Variants in TANC2 observed in about 807,000 individuals in gnomAD.
The protein encoded by TANC2 is tetratricopeptide repeat, ankyrin repeat and coiled-coil containing 2.
TANC2 carries 26 observed loss-of-function variants against 210.5 expected under a neutral mutation model. That is an observed-to-expected ratio of 0.12 (90% CI 0.09 to 0.17). The LOEUF (loss-of-function observed/expected upper bound fraction) is 0.17. TANC2 is among the 10% of genes least tolerant of loss of function. The probability of loss-of-function intolerance (pLI) is 1.00; values close to 1 mark genes in which losing one functional copy is unlikely to be tolerated. For synonymous variants in TANC2, 931 were observed against 967.1 expected (o/e 0.96, Z 0.69); for missense variants, 2,129 against 2,608.9 (o/e 0.82, Z 4.01).
chr17:63,251,389 G>C (rs2043049536), intron 8 of TANC2, among the ~76,000 whole-genome samples: 1 of 152,132 alleles, frequency 6.6e-6, no homozygotes, highest in South Asian at 2.1e-4. Flanking sequence ...CCAAATGACT[G>C]TGAGGAAGAG....
At position 63,276,018 on chromosome 17, in the gene TANC2, A is replaced by G. The variant is rs892510996; in HGVS notation, c.1159+8145A>G. On this transcript the variant is annotated intron_variant, in intron 9 of 27. Coordinates refer to ENST00000689528, the Ensembl canonical transcript of TANC2. The stretch of plus-strand genomic sequence containing the variant: ...ATTTTCCTCAAAAGTGACTAGGTCT[A>G]TTAAAGTAACCATAATGCCAATAAA... 2.6e-5 allele frequency among the ~76,000 whole-genome samples: 4 copies of G among 152,304 alleles called. No individual in the cohort carries two copies. In the South Asian group the frequency reaches 8.3e-4, roughly 32 times the overall value.
intron 14 of TANC2, among the ~76,000 whole-genome samples, chr17:63,373,070 A>T (rs968395111): frequency 4.0e-5 from 6 of 151,498 alleles, no homozygotes; most frequent in African/African-American, 1.5e-4. Context: ...AATTTTTTAA[A>T]TTTTTTGTGG....
chr17:63,133,207 T>C (rs2038978927), intron 4 of TANC2, among the ~76,000 whole-genome samples: 1 of 150,784 alleles, frequency 6.6e-6, no homozygotes, highest in East Asian at 2.0e-4. Context: ...CTCATGATCT[T>C]GTGATCCACC....
intron 4 of TANC2, among the ~76,000 whole-genome samples, chr17:63,113,684 T>C (rs2038140999): frequency 6.6e-6 from 1 of 152,014 alleles, no homozygotes; most frequent in African/African-American, 2.4e-5. Flanking sequence ...ATTTTTTCAT[T>C]ATTTTGTAGA....
intron 11 of TANC2, among the ~76,000 whole-genome samples, chr17:63,331,275 C>A (rs181718409): frequency 1.3e-5 from 2 of 152,296 alleles, no homozygotes; most frequent in East Asian, 3.9e-4. Flanking sequence ...GTGATCCATA[C>A]CTTCATTCAT....
intron 5 of TANC2, among the ~76,000 whole-genome samples, chr17:63,181,350 G>A (rs1234056295): frequency 1.3e-5 from 2 of 152,162 alleles, no homozygotes; most frequent in Admixed American, 6.5e-5. Context: ...CCTAGTGGAA[G>A]GTAGATGAAC....
intron 1 of TANC2, among the ~76,000 whole-genome samples, chr17:62,995,836 G>A (rs945987367): frequency 3.3e-5 from 5 of 152,188 alleles, no homozygotes; most frequent in Admixed American, 6.5e-5. Context: ...GGTGTGCGCC[G>A]GTAGTCCTAG....
chr17:63,371,558 G>A (rs1425996088), intron 14 of TANC2, among the ~76,000 whole-genome samples: 1 of 152,084 alleles, frequency 6.6e-6, no homozygotes, highest in African/African-American at 2.4e-5. Context: ...TGAAATCTGT[G>A]TGACTCCATA....
chr17:63,380,500 A>G (rs1358148800), intron 15 of TANC2, among the ~76,000 whole-genome samples: 1 of 152,226 alleles, frequency 6.6e-6, no homozygotes, highest in African/African-American at 2.4e-5. Flanking sequence ...AAAAGATACA[A>G]TCCCTAATCT....
At chr17:63,081,800 A>G (rs1021880952) in intron 3 of TANC2, among the ~76,000 whole-genome samples, 1 of 152,224 alleles carries the variant, frequency 6.6e-6, no homozygotes, top group Non-Finnish European at 1.5e-5. Context: ...AATTAACACT[A>G]GAAGCCTTGT....
chr17:63,295,988 C>T (rs1210513702), intron 9 of TANC2, among the ~76,000 whole-genome samples: 3 of 152,070 alleles, frequency 2.0e-5, no homozygotes, highest in African/African-American at 7.2e-5. Context: ...TGTTTCCTGC[C>T]TAAGACTACT....
At chr17:63,045,765 T>G (rs2035353805) in intron 2 of TANC2, among the ~76,000 whole-genome samples, 1 of 152,112 alleles carries the variant, frequency 6.6e-6, no homozygotes, top group African/African-American at 2.4e-5. Flanking sequence ...CTTTTCTGGG[T>G]TCTTTTATTC....
At chr17:63,027,930 T>C (rs958993098) in intron 2 of TANC2, among the ~76,000 whole-genome samples, 15 of 152,142 alleles carry the variant, frequency 9.9e-5, no homozygotes, top group African/African-American at 3.1e-4. Flanking sequence ...TCCATTTTCA[T>C]AGAATTTTTT....
At chr17:63,328,433 A>C (rs1205330493) in intron 11 of TANC2, among the ~76,000 whole-genome samples, 2 of 151,582 alleles carry the variant, frequency 1.3e-5, no homozygotes, top group Non-Finnish European at 2.9e-5. Context: ...GTGTTTGTAT[A>C]ATAGAATACT....
At position 63,405,112 on chromosome 17, in the gene TANC2, C is replaced by G; in HGVS notation, c.3332-10C>G. 6.2e-7 allele frequency: 1 copy of G among 1,604,260 alleles called. No individual in the cohort carries two copies. Among genetic ancestry groups the G allele is most frequent in the Non-Finnish European group, 8.5e-7 (1 of 1,172,142 alleles). On this transcript the variant is annotated splice_polypyrimidine_tract_variant and intron_variant, in intron 19 of 27. Coordinates refer to ENST00000689528, the Ensembl canonical transcript of TANC2. Reference sequence around the variant, plus strand: ...ACCACCTATCCTCAATCTTTGTTCTCTGCCCTTAGCCCTAACAGCTGCAGC... The same window carrying G: ...ACCACCTATCCTCAATCTTTGTTCTGTGCCCTTAGCCCTAACAGCTGCAGC...
intron 7 of TANC2, among the ~76,000 whole-genome samples, chr17:63,221,422 AACAGAG>A (rs1392078095): frequency 2.0e-5 from 3 of 147,018 alleles, no homozygotes; most frequent in Non-Finnish European, 4.5e-5. Flanking sequence ...TAGCCTGGGC[AACAGAG>A]TGAGACTCCA....
At chr17:62,967,504 A>G (rs2031417005) in intron 1 of TANC2, 2 of 152,262 alleles carry the variant, frequency 1.3e-5, no homozygotes, top group Admixed American at 1.3e-4. Context: ...AATTAACATT[A>G]GGAAGAAGAT....
intron 12 of TANC2, among the ~76,000 whole-genome samples, chr17:63,342,635 G>A (rs1269906470): frequency 1.3e-5 from 2 of 151,952 alleles, no homozygotes; most frequent in African/African-American, 2.4e-5. Context: ...AATTAGCCGG[G>A]CATGGTGGCG....
At chr17:63,058,930 G>C (rs1450675720) in intron 2 of TANC2, among the ~76,000 whole-genome samples, 3 of 151,916 alleles carry the variant, frequency 2.0e-5, no homozygotes, top group Non-Finnish European at 4.4e-5. Flanking sequence ...GGCTCTTTTT[G>C]GGTTTCATAT....
Sources: gnomAD v4.1 joint callset for allele counts (sites outside exome capture counted in the v4.1 genomes callset) on GRCh38, gnomAD v4.1.1 for gene constraint, MANE v1.5 for transcripts, NCBI Gene and HGNC (gene_info 2026-07-23, HGNC 2026-07-21) for gene names.